The following HPCAL1 variants were observed in gnomAD, a reference collection of about 807,000 sequenced individuals.
The protein encoded by HPCAL1 is hippocalcin-like protein 1.
In HPCAL1, 8 loss-of-function variants were observed where a neutral mutation model predicts 17.1. That is an observed-to-expected ratio of 0.47 (90% CI 0.27 to 0.84). The LOEUF (loss-of-function observed/expected upper bound fraction) is 0.84. Among genes scored for constraint, HPCAL1 ranks in the 40% least tolerant of loss-of-function variants. The pLI, the probability that HPCAL1 is intolerant of heterozygous loss-of-function variation, is 0.13. For missense variants in HPCAL1, 165 were observed against 271.1 expected (o/e 0.61, Z 2.75); for synonymous variants, 112 against 111.4 (o/e 1.01, Z -0.03).
intron 2 of HPCAL1, among the ~76,000 whole-genome samples, chr2:10,407,700 G>A (rs1289302340): frequency 6.6e-6 from 1 of 152,192 alleles, no homozygotes; most frequent in Non-Finnish European, 1.5e-5. Flanking sequence ...GAACTTGGAG[G>A]GAGTGAGCCT....
intron 1 of HPCAL1, among the ~76,000 whole-genome samples, chr2:10,306,381 A>G (rs2125374078): frequency 6.6e-6 from 1 of 152,252 alleles, no homozygotes; most frequent in Non-Finnish European, 1.5e-5. Context: ...AGACACTTGT[A>G]GATTTTAATC....
At chr2:10,357,521 T>C (rs1666231285) in intron 1 of HPCAL1, among the ~76,000 whole-genome samples, 2 of 152,156 alleles carry the variant, frequency 1.3e-5, no homozygotes, top group Admixed American at 1.3e-4. Context: ...TCTGCTCTGA[T>C]TGGCTTTAGA....
At chr2:10,332,411 G>A (rs1422645059) in intron 1 of HPCAL1, among the ~76,000 whole-genome samples, 2 of 152,010 alleles carry the variant, frequency 1.3e-5, no homozygotes, top group Non-Finnish European at 2.9e-5. Context: ...CCCCTGGCCC[G>A]CCCCTCTGCG....
chr2:10,338,558 C>G (rs1664866406), intron 1 of HPCAL1, among the ~76,000 whole-genome samples: 1 of 152,098 alleles, frequency 6.6e-6, no homozygotes, highest in Non-Finnish European at 1.5e-5. Flanking sequence ...GGAGCGGGAC[C>G]TGTGATTGTT....
intron 1 of HPCAL1, among the ~76,000 whole-genome samples, chr2:10,380,663 C>T (rs1375861518): frequency 1.3e-5 from 2 of 152,110 alleles, no homozygotes; most frequent in South Asian, 2.1e-4. Context: ...TTTTCTCTTT[C>T]TCTCTGCATG....
intron 1 of HPCAL1, among the ~76,000 whole-genome samples, chr2:10,333,468 A>G (rs1417426853): frequency 6.6e-6 from 1 of 152,078 alleles, no homozygotes; most frequent in Non-Finnish European, 1.5e-5. Flanking sequence ...TGGCAGATGT[A>G]TCACCGTAGC....
At chr2:10,349,443 C>T (rs1412081461) in intron 1 of HPCAL1, among the ~76,000 whole-genome samples, 1 of 151,842 alleles carries the variant, frequency 6.6e-6, no homozygotes, top group Non-Finnish European at 1.5e-5. Flanking sequence ...CACGGTGGCT[C>T]ACACCTGTAA....
At position 10,304,966 on chromosome 2, in the gene HPCAL1, C is replaced by A. The variant is rs1662526211; in HGVS notation, c.-111+1789C>A. ...GTTCCCAGAGAGGCGGGCTGCTTTG[C>A]GGGCTTTTAGGAGCCAGGGATAGAA... On this transcript the variant is annotated intron_variant, in intron 1 of 4. Transcript: ENST00000307845. The surrounding 1 kb of genome is among the most constrained non-coding windows in gnomAD (Gnocchi z 4.1). 6.6e-6 allele frequency among the ~76,000 whole-genome samples: 1 copy of A among 152,156 alleles called. No individual in the cohort carries two copies. The highest frequency in any genetic ancestry group is 2.1e-4 in the South Asian group (1 of 4,826).
At chr2:10,407,030 A>G (rs930439371) in intron 2 of HPCAL1, among the ~76,000 whole-genome samples, 3 of 151,948 alleles carry the variant, frequency 2.0e-5, no homozygotes, top group Non-Finnish European at 4.4e-5. Flanking sequence ...CTCTATGATG[A>G]CGCCGCACTG....
intron 2 of HPCAL1, among the ~76,000 whole-genome samples, chr2:10,414,410 G>A (rs1228398451): frequency 6.6e-6 from 1 of 152,180 alleles, no homozygotes; most frequent in Non-Finnish European, 1.5e-5. Context: ...TGTTGGCAGG[G>A]TTGTTTCCTC....
At chr2:10,341,375 C>T (rs1026023333) in intron 1 of HPCAL1, among the ~76,000 whole-genome samples, 8 of 152,090 alleles carry the variant, frequency 5.3e-5, no homozygotes, top group African/African-American at 1.4e-4. Context: ...CACCTGAGCC[C>T]AGGAAGTCGA....
At chr2:10,309,340 CA>C (rs1662814413) in intron 1 of HPCAL1, among the ~76,000 whole-genome samples, 1 of 152,226 alleles carries the variant, frequency 6.6e-6, no homozygotes. Flanking sequence ...CAGCCCAAGC[CA>C]TTTTTCTAAA....
chr2:10,347,001 C>T (rs1665503614), intron 1 of HPCAL1, among the ~76,000 whole-genome samples: 1 of 91,474 alleles, frequency 1.1e-5, no homozygotes, highest in African/African-American at 4.4e-5. Flanking sequence ...TATTTGTTTG[C>T]AGAGTGGTGC....
In HPCAL1 at chr2:10,419,992, A is replaced by G. The variant is rs1349311260; in HGVS notation, c.235A>G (p.Thr79Ala). Residue 79 changes from threonine (T) to alanine (A), a missense_variant, in exon 3 of 5, where the codon ACC becomes GCC. Physicochemically the swap from Thr to Ala is moderately conservative, Grantham distance 58. Transcript: ENST00000307845. The surrounding 1 kb of genome is among the most constrained non-coding windows in gnomAD (Gnocchi z 5.0). ...CACCTTCGACACCAACGGCGACGGC[A>G]CCATCGACTTCCGGGAGTTCATCAT... ...FRTFDTNGDG[T>A]IDFREFIIAL... The G allele has an allele frequency of 1.9e-6, 3 of 1,613,836 alleles. No individual in the cohort carries two copies. Among genetic ancestry groups the G allele is most frequent in the Non-Finnish European group, 2.5e-6 (3 of 1,180,018 alleles).
chr2:10,359,911 C>T lies in HPCAL1; in HGVS notation c.-110-36924C>T, dbSNP rs1290954122. Among the ~76,000 whole-genome samples the T allele has an allele frequency of 6.8e-6, 1 of 147,994 alleles. No homozygotes were observed. Among genetic ancestry groups the T allele is most frequent in the African/African-American group, 2.6e-5 (1 of 38,372 alleles). On this transcript the variant is annotated intron_variant, in intron 1 of 4. Coordinates refer to ENST00000307845, the MANE Select transcript of HPCAL1 (RefSeq NM_002149.4). This position sits in a 1 kb window ranked among gnomAD's most constrained non-coding sequence, Gnocchi z 4.1. ...CCTTCCACAGTGCCCGCCGGGTCCA[C>T]AGCGCCCGCCGGGTCCACAGCGCCC...
At chr2:10,416,627 C>G (rs1670690180) in intron 2 of HPCAL1, among the ~76,000 whole-genome samples, 1 of 152,132 alleles carries the variant, frequency 6.6e-6, no homozygotes, top group Admixed American at 6.5e-5. Flanking sequence ...AACCAAAAAC[C>G]TCAGTAGCAT....
rs140214701 is a variant in HPCAL1, at chr2:10,331,176, G to A, written c.-111+27999G>A. ...GCCAAGAGCCTGCAGAGGGCGGGGC[G>A]GGCTCTGGGGACAGCCTGGACTCTC... On this transcript the variant is annotated intron_variant, in intron 1 of 4. Coordinates refer to ENST00000307845, the MANE Select transcript of HPCAL1 (RefSeq NM_002149.4). This position sits in a 1 kb window ranked among gnomAD's most constrained non-coding sequence, Gnocchi z 5.0. Among the ~76,000 whole-genome samples the A allele has an allele frequency of 0.013, 1,910 of 152,160 alleles. 51 individuals are homozygous for A. Among genetic ancestry groups the A allele is most frequent in the African/African-American group, 0.043 (1,804 of 41,498 alleles).
rs12623966 is a variant in HPCAL1 at position 10,363,369 on chromosome 2, C to G, written c.-110-33466C>G. 0.37 allele frequency among the ~76,000 whole-genome samples: 55,572 copies of G among 151,954 alleles called. 13,200 individuals are homozygous for G. Among genetic ancestry groups the G allele is most frequent in the East Asian group, 0.67 (3,474 of 5,168 alleles). On this transcript the variant is annotated intron_variant, in intron 1 of 4. Coordinates refer to ENST00000307845, the MANE Select transcript of HPCAL1 (RefSeq NM_002149.4). The surrounding 1 kb of genome is among the most constrained non-coding windows in gnomAD (Gnocchi z 4.7). The stretch of plus-strand genomic sequence containing the variant: ...GGAGCTGCTGGGGGTGCTGGGCAGA[C>G]GTTTACCGTCCAGCACCCCCATTTC...
rs147818266 is a variant in HPCAL1, at chr2:10,304,656, C to A, written c.-111+1479C>A. ...CGAGCACCCAGCTCTTACCACGACT[C>A]ACTCTCTGGAGAGTTCTGGCGCCTC... On this transcript the variant is annotated intron_variant, in intron 1 of 4. Transcript: ENST00000307845. This position sits in a 1 kb window ranked among gnomAD's most constrained non-coding sequence, Gnocchi z 4.1. Among the ~76,000 whole-genome samples the A allele has an allele frequency of 9.2e-5, 14 of 152,268 alleles. No individual in the cohort carries two copies. The highest frequency in any genetic ancestry group is 9.2e-4 in the Admixed American group (14 of 15,292).
Sources: gnomAD v4.1 joint callset for allele counts (sites outside exome capture counted in the v4.1 genomes callset) on GRCh38, gnomAD v4.1.1 for gene constraint, Gnocchi (gnomAD v3.1) non-coding constraint, MANE v1.5 for transcripts, NCBI Gene and HGNC (gene_info 2026-07-23, HGNC 2026-07-21) for gene names.